The following RBM27 variants were observed in gnomAD, a reference collection of about 807,000 sequenced individuals.
The protein encoded by RBM27 is RNA binding motif protein 27.
Under a neutral mutation model 135.3 loss-of-function variants are expected in RBM27, and 22 were observed. That is an observed-to-expected ratio of 0.16 (90% confidence interval 0.12 to 0.23). The LOEUF (loss-of-function observed/expected upper bound fraction) is 0.23. Among genes scored for constraint, RBM27 ranks in the 10% least tolerant of loss-of-function variants. The pLI is 1.00. For missense variants in RBM27, 1,009 were observed against 1,281.0 expected (o/e 0.79, Z 3.24); for synonymous variants, 481 against 442.4 (o/e 1.09, Z -1.10).
chr5:146,273,783 AG>A (rs2126891974), intron 19 of RBM27, among the ~76,000 whole-genome samples: 1 of 152,322 alleles, frequency 6.6e-6, no homozygotes, highest in East Asian at 1.9e-4. Context: ...TATCTATATG[AG>A]AAAATGATGG....
intron 19 of RBM27, among the ~76,000 whole-genome samples, chr5:146,284,334 G>A (rs565935642): frequency 1.3e-5 from 2 of 152,146 alleles, no homozygotes; most frequent in East Asian, 1.9e-4. Flanking sequence ...CATGACTTTT[G>A]TAAGTAGAGC....
At chr5:146,264,393 G>T (rs1561559040) in intron 14 of RBM27, among the ~76,000 whole-genome samples, 1 of 151,974 alleles carries the variant, frequency 6.6e-6, no homozygotes, top group Non-Finnish European at 1.5e-5. Flanking sequence ...ATGTTGGTCA[G>T]GCTGGTCTGG....
At position 146,229,910 on chromosome 5, in the gene RBM27, G is replaced by A. The variant is rs1461558169; in HGVS notation, c.589G>A (p.Glu197Lys). The A allele has an allele frequency of 6.2e-7, 1 of 1,613,640 alleles. No individual in the cohort carries two copies. The highest frequency in any genetic ancestry group is 1.3e-5 in the African/African-American group (1 of 74,864). ...AGACCGGGATCCAAATAGGAATGTT[G>A]GTGAGTAGATGAGTGTCCCCCTAAA... ...SKDRDPNRNV[E>K]HRERSKFKSE... Residue 197 changes from glutamate to lysine, a missense_variant and splice_region_variant, in exon 5 of 21, where the codon GAG (glutamate) becomes AAG (lysine). Glu to Lys is a moderately conservative substitution (Grantham distance 56). Around this residue, in one of 6 missense-constraint regions of RBM27, gnomAD observed 268 missense variants for 326.6 expected, o/e 0.82. Coordinates refer to ENST00000265271, the MANE Select transcript of RBM27 (RefSeq NM_018989.2).
At position 146,287,544 on chromosome 5, in the gene RBM27, A is replaced by G. The variant is rs745350241; in HGVS notation, c.*1514A>G. On this transcript the variant is annotated 3_prime_UTR_variant, in exon 21 of 21. Coordinates refer to ENST00000265271, the MANE Select transcript of RBM27 (RefSeq NM_018989.2). ...CTCCAAAAGGGTCTTGGTGACCACT[A>G]TATCAAGGATTTTGTTTGCTGAGGT... 4 of 152,136 alleles carry G rather than the reference A, an allele frequency of 2.6e-5. No individual in the cohort carries two copies. Among genetic ancestry groups the G allele is most frequent in the Admixed American group, 6.5e-5 (1 of 15,268 alleles). 9.4% of individuals were successfully genotyped at this position (152,136 alleles called of 1,614,324 possible).
At chr5:146,221,683 C>T (rs1402413994) in intron 2 of RBM27, among the ~76,000 whole-genome samples, 2 of 152,182 alleles carry the variant, frequency 1.3e-5, no homozygotes, top group African/African-American at 4.8e-5. Flanking sequence ...CCACCTGCCT[C>T]GGCCTCCCAA....
chr5:146,260,737 C>T lies in RBM27; in HGVS notation c.1740-8C>T, dbSNP rs1226133646. 3.1e-6 allele frequency: 5 copies of T among 1,595,488 alleles called. No individual in the cohort carries two copies. Among genetic ancestry groups the T allele is most frequent in the Non-Finnish European group, 4.3e-6 (5 of 1,172,686 alleles). On this transcript the variant is annotated splice_polypyrimidine_tract_variant and splice_region_variant and intron_variant, in intron 11 of 20. Transcript: ENST00000265271. ...GAATTAACCAAGATGTATTAATCTT[C>T]CTTTTAGGCAAGGAAATAACAATCA...
At position 146,203,620 on chromosome 5, in the gene RBM27, C is replaced by T. The variant is rs113345983; in HGVS notation, c.-146C>T. On this transcript the variant is annotated 5_prime_UTR_variant, in exon 1 of 21. Coordinates refer to ENST00000265271, the MANE Select transcript of RBM27 (RefSeq NM_018989.2). Reference sequence around the variant, plus strand: ...CTCTTGGGTTAGTTCCTGTTAGGCCCCGGCCGGGGGAGTAGGTTGAAGTCT... The same window carrying T: ...CTCTTGGGTTAGTTCCTGTTAGGCCTCGGCCGGGGGAGTAGGTTGAAGTCT... 17 of 713,012 alleles carry T rather than the reference C, an allele frequency of 2.4e-5. No homozygotes were observed. The East Asian group carries it at 3.4e-4, about 14-fold the overall frequency. 44.2% of individuals were successfully genotyped at this position (713,012 alleles called of 1,614,324 possible).
chr5:146,213,149 C>G (rs972641471), intron 1 of RBM27, among the ~76,000 whole-genome samples: 2 of 151,898 alleles, frequency 1.3e-5, no homozygotes, highest in Admixed American at 1.3e-4. Flanking sequence ...GTTGCCCAGG[C>G]TGGAGTGCAA....
intron 19 of RBM27, among the ~76,000 whole-genome samples, chr5:146,282,969 T>A (rs576247001): frequency 1.3e-5 from 2 of 152,352 alleles, no homozygotes; most frequent in East Asian, 3.9e-4. Flanking sequence ...TTCTTATTCT[T>A]CCTTTAATAA....
intron 1 of RBM27, among the ~76,000 whole-genome samples, chr5:146,204,555 T>A (rs1465659741): frequency 6.6e-6 from 1 of 152,176 alleles, no homozygotes; most frequent in Non-Finnish European, 1.5e-5. Context: ...AAAAAGAGGT[T>A]TCTGTAAGTT....
chr5:146,254,315 T>C (rs201417647), intron 9 of RBM27, among the ~76,000 whole-genome samples: 3 of 152,154 alleles, frequency 2.0e-5, no homozygotes, highest in East Asian at 3.9e-4. Context: ...GAAAAAAAAG[T>C]GCATTGACAT....
chr5:146,212,148 C>G (rs773580154), intron 1 of RBM27, among the ~76,000 whole-genome samples: 3 of 151,574 alleles, frequency 2.0e-5, no homozygotes, highest in East Asian at 3.9e-4. Flanking sequence ...CTCCGCCTCC[C>G]GGGTTCAAGT....
chr5:146,254,570 TA>T lies in RBM27; in HGVS notation c.1445-364del, dbSNP rs199585285. Among the ~76,000 whole-genome samples the T allele has an allele frequency of 5.4e-3, 802 of 148,956 alleles. 9 individuals carry two copies. Among genetic ancestry groups the T allele is most frequent in the African/African-American group, 0.019 (758 of 40,478 alleles). ...AAAATATTCAGGAAAAAAATAAAAA[TA>T]AAAAAAAACCAGTACAATAATTAAA... On this transcript the variant is annotated intron_variant, in intron 9 of 20. Transcript: ENST00000265271.
At chr5:146,235,762 C>T (rs1371710334) in intron 7 of RBM27, among the ~76,000 whole-genome samples, 2 of 152,030 alleles carry the variant, frequency 1.3e-5, no homozygotes, top group Non-Finnish European at 2.9e-5. Flanking sequence ...TCACGACTCA[C>T]TGCAACCTCC....
At position 146,233,576 on chromosome 5, in the gene RBM27, C is replaced by T. The variant is rs1323315816; in HGVS notation, c.977C>T (p.Pro326Leu). ...CCCCCTCCTCCTGGGCTTCCTCCTC[C>T]ACCACCTCCTGGAATGTTAATGCCT... Reference protein sequence around the residue: ...FPPPPPGLPPPPPPGMLMPPM... With the variant: ...FPPPPPGLPPLPPPGMLMPPM... Residue 326 changes from proline (P) to leucine (L), a missense_variant, in exon 7 of 21, where the codon CCA becomes CTA. By Grantham distance (98) the Pro-to-Leu change is moderately conservative. Coordinates refer to ENST00000265271, the MANE Select transcript of RBM27 (RefSeq NM_018989.2). 2 of 1,613,086 alleles carry T rather than the reference C, an allele frequency of 1.2e-6. No individual in the cohort carries two copies. Among genetic ancestry groups the T allele is most frequent in the East Asian group, 4.5e-5 (2 of 44,770 alleles).
intron 19 of RBM27, among the ~76,000 whole-genome samples, chr5:146,273,737 ATTCT>A (rs1191036016): frequency 6.6e-6 from 1 of 152,190 alleles, no homozygotes; most frequent in African/African-American, 2.4e-5. Context: ...GTATTCTTCT[ATTCT>A]TAATGATTAT....
At chr5:146,251,987 C>G in intron 9 of RBM27, 112 bp downstream of exon 9, 1 of 1,204,208 alleles carries the variant, frequency 8.3e-7, no homozygotes, top group Admixed American at 2.1e-5. Flanking sequence ...CCCATTAAAG[C>G]TCATAGGTAG....
At position 146,263,628 on chromosome 5, in the gene RBM27, C is replaced by G. The variant is rs778452347; in HGVS notation, c.2328C>G (p.Cys776Trp). The change falls in exon 14 of 21, where the codon TGC becomes TGG. Residue 776 changes from cysteine (C) to tryptophan (W), a missense_variant. Physicochemically the swap from Cys to Trp is radical, Grantham distance 215. Transcript: ENST00000265271. ...LNQSGGAGED[C>W]QIFSTPGHPK... ...AGTCTGGTGGTGCTGGAGAAGATTG[C>G]CAGGTATGCATTTTTGGGAGCTTCA... 6.2e-7 allele frequency: 1 copy of G among 1,612,930 alleles called. No homozygotes were observed. The highest frequency in any genetic ancestry group is 8.5e-7 in the Non-Finnish European group (1 of 1,179,650).
Position 146,203,663 on chromosome 5 carries a change from G to T in RBM27, c.-103G>T. On this transcript the variant is annotated 5_prime_UTR_variant, in exon 1 of 21. Transcript: ENST00000265271. ...TGAAGTCTCCTAAGATGCCCGGTGG[G>T]CTGGGGCACCGGGAGCTGTGAAGGG... 9.2e-7 allele frequency: 1 copy of T among 1,086,714 alleles called. No homozygotes were observed. The highest frequency in any genetic ancestry group is 1.4e-6 in the Non-Finnish European group (1 of 732,218). The allele number at this position is 1,086,714 out of a possible 1,614,324, so 67.3% of individuals were successfully genotyped here. A position where few individuals can be genotyped will look rare whatever the true frequency, so the allele number is the denominator to read the frequency against.
Sources: allele counts gnomAD v4.1 joint callset (sites outside exome capture counted in the v4.1 genomes callset), GRCh38; gene constraint gnomAD v4.1.1; regional missense constraint gnomAD v4.1.1; transcripts MANE v1.5; gene names NCBI Gene and HGNC (gene_info 2026-07-23, HGNC 2026-07-21).